SLC30A5: variants seen among roughly 807,000 people sequenced by gnomAD.
The protein encoded by SLC30A5 is solute carrier family 30 member 5, also known as proton-coupled zinc antiporter SLC30A5.
SLC30A5 carries 33 observed loss-of-function variants against 79.6 expected under a neutral mutation model. The ratio of observed to expected loss-of-function variants is 0.41; its 90% CI spans 0.31 to 0.55. SLC30A5 has a LOEUF of 0.55. Among genes scored for constraint, SLC30A5 ranks in the 20% least tolerant of loss-of-function variants. SLC30A5 has a pLI of 0.20. For synonymous variants in SLC30A5, 299 were observed against 319.7 expected, an observed-to-expected ratio of 0.94 and a Z score of 0.69; for missense variants, 788 against 928.1, an observed-to-expected ratio of 0.85 and a Z score of 1.96.
chr5:69,098,121 C>T (rs1745799241), intron 1 of SLC30A5, among the ~76,000 whole-genome samples: 1 of 152,120 alleles, frequency 6.6e-6, no homozygotes, highest in African/African-American at 2.4e-5. Flanking sequence ...CATGAGCCAC[C>T]ATGCCTGGCC....
At chr5:69,106,411 C>T (rs1036515891) in intron 4 of SLC30A5, among the ~76,000 whole-genome samples, 1 of 152,096 alleles carries the variant, frequency 6.6e-6, no homozygotes, top group African/African-American at 2.4e-5. Flanking sequence ...TTTTGTGTTA[C>T]AATAAGGAGG....
rs116903779 is a variant in SLC30A5 at position 69,122,688 on chromosome 5, A to G, written c.1772-511A>G. Among the ~76,000 whole-genome samples the G allele has an allele frequency of 1.2e-3, 185 of 152,270 alleles. 3 individuals are homozygous for G. The East Asian group carries it at 0.035, about 29-fold the overall frequency. On this transcript the variant is annotated intron_variant, in intron 13 of 15. Transcript: ENST00000396591. The stretch of plus-strand genomic sequence containing the variant: ...GAAAATGAAAATATATTTGTTCTTA[A>G]ATGTTAGTTTTTAAATGATTATAAT...
chr5:69,127,028 TATA>T (rs1235977082), intron 14 of SLC30A5, among the ~76,000 whole-genome samples: 1 of 152,162 alleles, frequency 6.6e-6, no homozygotes, highest in Non-Finnish European at 1.5e-5. Flanking sequence ...CGTAATGTTT[TATA>T]AATTTTCTCC....
chr5:69,101,219 T>A (rs979935007), intron 2 of SLC30A5, among the ~76,000 whole-genome samples: 1 of 152,174 alleles, frequency 6.6e-6, no homozygotes, highest in African/African-American at 2.4e-5. Flanking sequence ...CATAATCCTT[T>A]CTTAGTACAG....
chr5:69,103,614 C>G (rs548437646), intron 3 of SLC30A5, among the ~76,000 whole-genome samples: 31 of 152,332 alleles, frequency 2.0e-4, no homozygotes, highest in African/African-American at 7.5e-4. Context: ...AACTTCCTAA[C>G]AGAACTGTGA....
chr5:69,112,493 C>A (rs1746261306), intron 5 of SLC30A5, among the ~76,000 whole-genome samples: 1 of 152,058 alleles, frequency 6.6e-6, no homozygotes, highest in Non-Finnish European at 1.5e-5. Flanking sequence ...TGCCTGTGGT[C>A]CCAGCTATTT....
intron 7 of SLC30A5, 80 bp downstream of exon 7, chr5:69,114,576 T>C: frequency 4.1e-6 from 4 of 964,108 alleles, no homozygotes; most frequent in Non-Finnish European, 6.6e-6. Context: ...ACATTTAAAA[T>C]AAATTATCAG....
Position 69,104,663 on chromosome 5 carries a change from G to A in SLC30A5, c.306G>A (p.Gly102=). 6.4e-7 allele frequency: 1 copy of A among 1,558,434 alleles called. No homozygotes were observed. Among genetic ancestry groups the A allele is most frequent in the Non-Finnish European group, 8.7e-7 (1 of 1,155,570 alleles). ...AAATATTTAAACATGCAGTTGCTGGGTGTATTATTTCACTCTTGTGGTTTT... is the reference window on the plus strand; with the variant it reads ...AAATATTTAAACATGCAGTTGCTGGATGTATTATTTCACTCTTGTGGTTTT... ...WIKIFKHAVA[G]CIISLLWFFG... Residue 102 remains glycine, a synonymous_variant, in exon 4 of 16, where the codon GGG becomes GGA. Coordinates refer to ENST00000396591, the MANE Select transcript of SLC30A5 (RefSeq NM_022902.5).
rs1745660573 is a variant in SLC30A5 at position 69,094,458 on chromosome 5, C to A, written c.83+120C>A. ...CCCGGGGTCGGCGCGCCCTCTCCCC[C>A]TGCCTGCCTCCCTGCGCGCAGGCTG... is the stretch of plus-strand genomic sequence containing the variant. On this transcript the variant is annotated intron_variant, in intron 1 of 15. Transcript: ENST00000396591. 3 of 1,058,806 alleles carry A rather than the reference C, an allele frequency of 2.8e-6. No individual in the cohort carries two copies. The Admixed American group carries it at 1.3e-4, about 45-fold the overall frequency. The allele number at this position is 1,058,806 out of a possible 1,614,324, so 65.6% of individuals were successfully genotyped here.
chr5:69,123,819 A>C (rs1259851974), intron 14 of SLC30A5, among the ~76,000 whole-genome samples: 2 of 152,168 alleles, frequency 1.3e-5, no homozygotes, highest in Non-Finnish European at 2.9e-5. Flanking sequence ...AGAATAAGAA[A>C]ACATACATAA....
intron 7 of SLC30A5, 114 bp from the exon 8 acceptor site, chr5:69,115,123 C>T (rs979825198): frequency 9.4e-5 from 73 of 776,114 alleles, no homozygotes; most frequent in Middle Eastern, 7.8e-4. Context: ...AGAGCAAGAC[C>T]CTGTCTCTGG....
chr5:69,129,751 C>A lies in SLC30A5; in HGVS notation c.*134C>A, dbSNP rs531012066. On this transcript the variant is annotated 3_prime_UTR_variant, in exon 16 of 16. Transcript: ENST00000396591. ...GTTCCCTACTACTGGATCAAGGAAT[C>A]TTTCTTGAAGGAAATTTAAATACAG... 1.1e-5 allele frequency: 7 copies of A among 665,236 alleles called. No individual in the cohort carries two copies. In the South Asian group the frequency reaches 1.7e-4, roughly 17 times the overall value. The allele number at this position is 665,236 out of a possible 1,614,324, so 41.2% of individuals were successfully genotyped here.
At chr5:69,110,270 A>C (rs1301593405) in intron 5 of SLC30A5, among the ~76,000 whole-genome samples, 1 of 152,182 alleles carries the variant, frequency 6.6e-6, no homozygotes, top group Non-Finnish European at 1.5e-5. Flanking sequence ...CACCACTGTG[A>C]CTGATCTCCC....
intron 5 of SLC30A5, among the ~76,000 whole-genome samples, chr5:69,112,122 A>ACCCGT (rs901855778): frequency 9.9e-5 from 15 of 152,012 alleles, no homozygotes; most frequent in African/African-American, 3.6e-4. Context: ...ACATGGTGAA[A>ACCCGT]CCCGTCTGTA....
chr5:69,094,028 T>G lies in SLC30A5; in HGVS notation c.-228T>G. 2.6e-6 allele frequency: 1 copy of G among 390,174 alleles called. No individual in the cohort carries two copies. The highest frequency in any genetic ancestry group is 4.5e-6 in the Non-Finnish European group (1 of 220,750). The allele number at this position is 390,174 out of a possible 1,614,324, so 24.2% of individuals were successfully genotyped here. ...GGCTTGGCAACGTCCCTACCGCCGCTGCTTCCCGGGAACCTGGCGCCGCCG... is the reference window on the plus strand; with the variant it reads ...GGCTTGGCAACGTCCCTACCGCCGCGGCTTCCCGGGAACCTGGCGCCGCCG... On this transcript the variant is annotated 5_prime_UTR_variant, in exon 1 of 16. Transcript: ENST00000396591.
intron 5 of SLC30A5, among the ~76,000 whole-genome samples, chr5:69,111,512 G>T (rs1324097979): frequency 6.6e-6 from 1 of 151,018 alleles, no homozygotes; most frequent in Non-Finnish European, 1.5e-5. Context: ...CACCATATTG[G>T]TCAGGCTGGT....
At chr5:69,125,144 C>G (rs1330033118) in intron 14 of SLC30A5, among the ~76,000 whole-genome samples, 1 of 152,058 alleles carries the variant, frequency 6.6e-6, no homozygotes, top group Non-Finnish European at 1.5e-5. Context: ...TAATCCAGCA[C>G]TTTGGGAGGC....
Position 69,116,648 on chromosome 5 carries a change from T to C in SLC30A5, c.1281+46T>C, listed in dbSNP as rs1221206076. On this transcript the variant is annotated intron_variant, in intron 10 of 15. Coordinates refer to ENST00000396591, the MANE Select transcript of SLC30A5 (RefSeq NM_022902.5). The surrounding 1 kb of genome is among the most constrained non-coding windows in gnomAD (Gnocchi z 4.0). ...TTGACATATCCTAAAAGCATAATATTTTAATTTTGACAGTTCTGGTATAAG... is the reference window on the plus strand; with the variant it reads ...TTGACATATCCTAAAAGCATAATATCTTAATTTTGACAGTTCTGGTATAAG... 1 of 1,308,884 alleles carries C rather than the reference T, an allele frequency of 7.6e-7. No individual in the cohort carries two copies. The highest frequency in any genetic ancestry group is 1.0e-6 in the Non-Finnish European group (1 of 976,542). 81.1% of individuals were successfully genotyped at this position (1,308,884 alleles called of 1,614,324 possible). A position where few individuals can be genotyped will look rare whatever the true frequency, so the allele number is the denominator to read the frequency against.
rs1478711757 is a variant in SLC30A5, at chr5:69,117,224, TGGTGACA to T, written c.1282-14_1282-8del. 4.1e-5 allele frequency: 65 copies of T among 1,593,166 alleles called. No individual in the cohort carries two copies. The Admixed American group carries it at 7.5e-4, about 18-fold the overall frequency. On this transcript the variant is annotated splice_polypyrimidine_tract_variant and splice_region_variant and intron_variant, in intron 10 of 15. Coordinates refer to ENST00000396591, the MANE Select transcript of SLC30A5 (RefSeq NM_022902.5). ...CCCAACATACTCCTCCCTTTTTTTTTGGTGACATTTTTAGCTTTTTACCTTTGTGGAA... is the reference window on the plus strand; with the variant it reads ...CCCAACATACTCCTCCCTTTTTTTTTTTTTTAGCTTTTTACCTTTGTGGAA...
Sources: allele counts gnomAD v4.1 joint callset (sites outside exome capture counted in the v4.1 genomes callset), GRCh38; gene constraint gnomAD v4.1.1; non-coding constraint Gnocchi (gnomAD v3.1); transcripts MANE v1.5; gene names NCBI Gene and HGNC (gene_info 2026-07-23, HGNC 2026-07-21).